The following CCDC93 variants were observed in gnomAD, a reference collection of about 807,000 sequenced individuals.
The protein encoded by CCDC93 is coiled-coil domain-containing protein 93.
CCDC93 carries 61 observed loss-of-function variants against 108.2 expected under a neutral mutation model. The observed-to-expected ratio is 0.56, with a 90% CI of 0.46 to 0.70. The LOEUF is 0.70. Ranked by LOEUF, CCDC93 falls within the 30% of genes least tolerant of loss-of-function variation. The pLI is 0.00. For missense variants in CCDC93, 685 were observed against 764.2 expected (o/e 0.90, Z 1.22); for synonymous variants, 276 against 260.4 (o/e 1.06, Z -0.58).
At chr2:117,976,959 G>A (rs1287179845) in intron 8 of CCDC93, among the ~76,000 whole-genome samples, 43 of 147,490 alleles carry the variant, frequency 2.9e-4, no homozygotes, top group African/African-American at 5.5e-4. Flanking sequence ...TTTTTGAGAC[G>A]GAGTCTCATA....
intron 15 of CCDC93, among the ~76,000 whole-genome samples, chr2:117,947,103 T>G (rs1325883242): frequency 6.6e-6 from 1 of 152,202 alleles, no homozygotes; most frequent in African/African-American, 2.4e-5. Context: ...TCCTTCTTTC[T>G]GAAGGGCTGG....
intron 13 of CCDC93, chr2:117,950,697 A>C: frequency 1.0e-6 from 1 of 985,450 alleles, no homozygotes; most frequent in Non-Finnish European, 1.2e-6. Context: ...AGAGGTGAAA[A>C]ACATTAATTA....
intron 11 of CCDC93, among the ~76,000 whole-genome samples, chr2:117,964,571 CA>C (rs1373185731): frequency 6.6e-6 from 1 of 151,962 alleles, no homozygotes; most frequent in Non-Finnish European, 1.5e-5. Flanking sequence ...CTGATCTCTA[CA>C]ACATCACTGA....
At chr2:117,959,484 G>A (rs1206936535) in intron 11 of CCDC93, among the ~76,000 whole-genome samples, 2 of 152,158 alleles carry the variant, frequency 1.3e-5, no homozygotes, top group African/African-American at 2.4e-5. Flanking sequence ...AGTGTCCTAG[G>A]CTTGAAAGTC....
intron 4 of CCDC93, chr2:117,996,733 A>T (rs1324308923): frequency 1.3e-5 from 2 of 159,540 alleles, no homozygotes; most frequent in South Asian, 1.9e-4. Context: ...AAACAAACAG[A>T]GCTATCTCCC....
chr2:117,970,810 C>CA (rs1176235563), intron 11 of CCDC93, among the ~76,000 whole-genome samples: 4 of 151,930 alleles, frequency 2.6e-5, no homozygotes. Context: ...ATTAGACAAA[C>CA]AAAAAAATCA....
chr2:117,992,804 G>C (rs1680517564), intron 6 of CCDC93, among the ~76,000 whole-genome samples: 1 of 151,672 alleles, frequency 6.6e-6, no homozygotes, highest in Non-Finnish European at 1.5e-5. Flanking sequence ...CAATGTTTGG[G>C]GCACTATGTA....
chr2:117,945,646 G>A (rs896021698), intron 16 of CCDC93, 64 bp from the exon 17 acceptor site: 1 of 1,436,578 alleles, frequency 7.0e-7, no homozygotes, highest in Non-Finnish European at 9.8e-7. Flanking sequence ...AGAAGCCAAG[G>A]ATCTAGATGT....
At chr2:118,000,957 A>AG (rs1307812024) in intron 3 of CCDC93, 25 bp from the exon 4 acceptor site, 5 of 1,395,254 alleles carry the variant, frequency 3.6e-6, no homozygotes, top group Non-Finnish European at 5.1e-6. Flanking sequence ...TAACAAGCAA[A>AG]GAGTGAGGCA....
chr2:117,995,703 C>T (rs1335513375), intron 5 of CCDC93: 1 of 529,108 alleles, frequency 1.9e-6, no homozygotes, highest in Non-Finnish European at 3.4e-6. Flanking sequence ...TAGATCCCTA[C>T]ACAGCCAGTA....
chr2:117,979,831 GAA>G (rs777668033), intron 7 of CCDC93, among the ~76,000 whole-genome samples: 1 of 152,184 alleles, frequency 6.6e-6, no homozygotes. Context: ...GCTGAGGCTG[GAA>G]AAGAGACTAT....
At chr2:117,935,058 T>C (rs889287734) in intron 22 of CCDC93, 4 of 152,608 alleles carry the variant, frequency 2.6e-5, no homozygotes, top group African/African-American at 9.6e-5. Flanking sequence ...CAAAATGCTC[T>C]CGAGATCCTA....
rs1260763810 is a variant in CCDC93, at chr2:117,938,147, T to C, written c.1605+882A>G. On this transcript the variant is annotated intron_variant, in intron 20 of 23. Transcript: ENST00000376300. ...TAAGGAACTTTACATTTTCTCATTCTGTCCGCATTATAATCATCATCAATG... is the reference window on the plus strand; with the variant it reads ...TAAGGAACTTTACATTTTCTCATTCCGTCCGCATTATAATCATCATCAATG... 2.6e-5 allele frequency among the ~76,000 whole-genome samples: 4 copies of C among 152,334 alleles called. No homozygotes were observed. The South Asian group carries it at 8.3e-4, about 32-fold the overall frequency.
intron 11 of CCDC93, among the ~76,000 whole-genome samples, chr2:117,968,439 G>A (rs1272903154): frequency 6.6e-6 from 1 of 152,192 alleles, no homozygotes; most frequent in East Asian, 1.9e-4. Context: ...AGGGAAGGGT[G>A]TTACCCTTTG....
chr2:118,003,073 G>C (rs1326916435), intron 3 of CCDC93, among the ~76,000 whole-genome samples: 2 of 152,178 alleles, frequency 1.3e-5, no homozygotes, highest in East Asian at 3.9e-4. Flanking sequence ...AGAGGAAGAA[G>C]AAAATTTTCA....
chr2:117,982,731 T>C (rs1680184894), intron 7 of CCDC93, among the ~76,000 whole-genome samples: 1 of 133,986 alleles, frequency 7.5e-6, no homozygotes, highest in South Asian at 2.6e-4. Context: ...TCTGGACTCC[T>C]AAAGCTGTGA....
chr2:117,927,665 G>A lies in CCDC93; in HGVS notation c.1842+3372C>T, dbSNP rs961699362. Among the ~76,000 whole-genome samples the A allele has an allele frequency of 1.2e-4, 18 of 152,196 alleles. No homozygotes were observed. The East Asian group carries it at 1.9e-3, about 16-fold the overall frequency. On this transcript the variant is annotated intron_variant, in intron 23 of 23. Transcript: ENST00000376300. The stretch of plus-strand genomic sequence containing the variant: ...CTTATGGGTAGGAAGAATCAATATC[G>A]TGAAAATGGCCATACTGCCCAAGGT...
intron 3 of CCDC93, among the ~76,000 whole-genome samples, chr2:118,002,758 C>A (rs1382076992): frequency 6.6e-6 from 1 of 152,050 alleles, no homozygotes. Context: ...CTGAGAGGGG[C>A]CAGGCATGGT....
intron 7 of CCDC93, among the ~76,000 whole-genome samples, chr2:117,984,334 C>A (rs148521439): frequency 5.3e-4 from 80 of 152,314 alleles, no homozygotes; most frequent in Non-Finnish European, 9.1e-4. Flanking sequence ...TGCTCTTTCT[C>A]ACTCTCAGAG....
Sources: gnomAD v4.1 joint callset for allele counts (sites outside exome capture counted in the v4.1 genomes callset) on GRCh38, gnomAD v4.1.1 for gene constraint, MANE v1.5 for transcripts, NCBI Gene and HGNC (gene_info 2026-07-23, HGNC 2026-07-21) for gene names.